AP1B1: variants seen among roughly 807,000 people sequenced by gnomAD.
AP1B1 encodes the protein adaptor related protein complex 1 subunit beta 1.
AP1B1 carries 36 observed loss-of-function variants against 104.3 expected under a neutral mutation model. That is an observed-to-expected ratio of 0.35 (90% confidence interval 0.26 to 0.46). AP1B1 has a LOEUF of 0.46. AP1B1 is among the 20% of genes least tolerant of loss of function. The probability of loss-of-function intolerance (pLI) is 1.00; values close to 1 mark genes in which losing one functional copy is unlikely to be tolerated. For missense variants in AP1B1, 901 were observed against 1,247.9 expected, an observed-to-expected ratio of 0.72 and a Z score of 4.19; for synonymous variants, 504 against 517.5, an observed-to-expected ratio of 0.97 and a Z score of 0.35.
intron 3 of AP1B1, among the ~76,000 whole-genome samples, chr22:29,361,992 C>T (rs972330782): frequency 1.3e-5 from 2 of 152,108 alleles, no homozygotes; most frequent in Admixed American, 6.6e-5. Context: ...CGGGGTTTCA[C>T]CATGTTGGCC....
intron 1 of AP1B1, among the ~76,000 whole-genome samples, chr22:29,381,317 G>A (rs1055508431): frequency 2.0e-4 from 30 of 152,010 alleles, no homozygotes; most frequent in Non-Finnish European, 7.4e-5. Context: ...ATATACTTAC[G>A]TTGTCTATTC....
intron 10 of AP1B1, 33 bp downstream of exon 10, chr22:29,350,002 A>G (rs1239540171): frequency 6.5e-7 from 1 of 1,532,200 alleles, no homozygotes; most frequent in Admixed American, 1.7e-5. Context: ...AGGCAGAGCT[A>G]GATGCCCTCT....
At position 29,334,285 on chromosome 22, in the gene AP1B1, G is replaced by A; in HGVS notation, c.2289C>T (p.Ala763=). ...NKALQVMTDF[A]IQFNRNSFGL... ...CTCACCTGTTGCGGTTGAACTGGAT[G>A]GCAAAGTCGGTCATGACCTGCAAGG... The change falls in exon 17 of 23, where the codon GCC becomes GCT. Residue 763 remains alanine, a synonymous_variant. Transcript: ENST00000357586. 6.2e-7 allele frequency: 1 copy of A among 1,604,164 alleles called. No homozygotes were observed. The highest frequency in any genetic ancestry group is 8.5e-7 in the Non-Finnish European group (1 of 1,176,388).
At chr22:29,364,900 G>T (rs1037301234) in intron 2 of AP1B1, among the ~76,000 whole-genome samples, 3 of 151,840 alleles carry the variant, frequency 2.0e-5, no homozygotes, top group Non-Finnish European at 2.9e-5. Flanking sequence ...GTAGAGACGG[G>T]GTTTCACCAT....
chr22:29,373,541 C>T (rs1026695669), intron 1 of AP1B1, among the ~76,000 whole-genome samples: 2 of 152,108 alleles, frequency 1.3e-5, no homozygotes, highest in Non-Finnish European at 2.9e-5. Context: ...AAATGATCTG[C>T]ATCCTGATGC....
chr22:29,355,245 A>G (rs1267536998), intron 6 of AP1B1, among the ~76,000 whole-genome samples: 10 of 151,862 alleles, frequency 6.6e-5, no homozygotes. Flanking sequence ...TCGAAAAAAA[A>G]AAAAATAGCA....
intron 14 of AP1B1, among the ~76,000 whole-genome samples, chr22:29,340,394 G>T (rs910284350): frequency 6.6e-6 from 1 of 152,176 alleles, no homozygotes; most frequent in Non-Finnish European, 1.5e-5. Flanking sequence ...GGTCTCCTGG[G>T]ACTCGAAGGT....
chr22:29,373,161 C>G (rs2062269407), intron 1 of AP1B1, among the ~76,000 whole-genome samples: 1 of 152,040 alleles, frequency 6.6e-6, no homozygotes, highest in South Asian at 2.1e-4. Flanking sequence ...GTCCCAGCTA[C>G]TCAGGAGGCG....
intron 15 of AP1B1, among the ~76,000 whole-genome samples, chr22:29,339,365 G>T (rs1486866126): frequency 1.3e-5 from 2 of 152,118 alleles, no homozygotes; most frequent in Admixed American, 1.3e-4. Flanking sequence ...TCTGGGAAAG[G>T]GCTGGGGACA....
chr22:29,340,637 G>C lies in AP1B1; in HGVS notation c.1998+19C>G. The C allele has an allele frequency of 6.6e-7, 1 of 1,522,114 alleles. No individual in the cohort carries two copies. The highest frequency in any genetic ancestry group is 8.9e-7 in the Non-Finnish European group (1 of 1,129,564). 94.3% of individuals were successfully genotyped at this position (1,522,114 alleles called of 1,614,324 possible). ...TGAGGATCATTATCAACATCATCCA[G>C]AGGGGGCCCACAACATACCAGGCTG... On this transcript the variant is annotated intron_variant, in intron 14 of 22. Transcript: ENST00000357586.
intron 17 of AP1B1, among the ~76,000 whole-genome samples, chr22:29,333,945 G>C (rs993934720): frequency 2.0e-5 from 3 of 152,196 alleles, no homozygotes; most frequent in African/African-American, 7.2e-5. Flanking sequence ...TGCACCTGTA[G>C]TCCCAGTTAC....
chr22:29,328,994 C>A lies in AP1B1; in HGVS notation c.2776-99G>T. 6.5e-7 allele frequency: 1 copy of A among 1,526,824 alleles called. No homozygotes were observed. The highest frequency in any genetic ancestry group is 8.8e-7 in the Non-Finnish European group (1 of 1,138,702). 94.6% of individuals were successfully genotyped at this position (1,526,824 alleles called of 1,614,324 possible). On this transcript the variant is annotated intron_variant, in intron 22 of 22. Transcript: ENST00000357586. This position sits in a 1 kb window ranked among gnomAD's most constrained non-coding sequence, Gnocchi z 4.1. ...AAGAGAGCAGGAACCAATGGGACAG[C>A]GTGGAGTGCACACAGCCTGGCGGCA... is the stretch of plus-strand genomic sequence containing the variant.
chr22:29,383,067 G>A (rs897338115), intron 1 of AP1B1, among the ~76,000 whole-genome samples: 2 of 152,066 alleles, frequency 1.3e-5, no homozygotes, highest in Non-Finnish European at 2.9e-5. Context: ...CAACTAGAGG[G>A]CTTATCTGAA....
intron 1 of AP1B1, among the ~76,000 whole-genome samples, chr22:29,379,031 A>G (rs2062395059): frequency 6.6e-6 from 1 of 152,074 alleles, no homozygotes; most frequent in Admixed American, 6.6e-5. Flanking sequence ...CTGATCTATA[A>G]GCCGTAATGT....
intron 17 of AP1B1, 83 bp from the exon 18 acceptor site, chr22:29,331,999 G>A: frequency 1.4e-6 from 2 of 1,394,286 alleles, no homozygotes; most frequent in Non-Finnish European, 1.9e-6. Flanking sequence ...CTCGGGAGCT[G>A]GGGCTGTGGT....
intron 3 of AP1B1, among the ~76,000 whole-genome samples, chr22:29,362,620 C>G (rs1395506124): frequency 6.6e-6 from 1 of 152,208 alleles, no homozygotes; most frequent in Non-Finnish European, 1.5e-5. Flanking sequence ...GCTAGGATTA[C>G]AGGCGTGAGC....
rs778707210 is a variant in AP1B1, at chr22:29,350,142, C to T, written c.1164G>A (p.Ala388=). The T allele has an allele frequency of 6.2e-6, 10 of 1,613,792 alleles. No homozygotes were observed. The highest frequency in any genetic ancestry group is 4.5e-5 in the East Asian group (2 of 44,882). ...CGAGCAGCGTGCTCACACAGCGCTC[C>T]GCAGATTGCTGCATGGGAAGAGAAG... The part of the protein sequence containing the change: ...GRCAIKVEQS[A]ERCVSTLLDL... Residue 388 remains alanine, a synonymous_variant, in exon 10 of 23, where the codon GCG becomes GCA. Coordinates refer to ENST00000357586, the MANE Select transcript of AP1B1 (RefSeq NM_001127.4).
intron 1 of AP1B1, among the ~76,000 whole-genome samples, chr22:29,379,551 C>T (rs187058185): frequency 2.8e-4 from 43 of 152,268 alleles, no homozygotes; most frequent in East Asian, 1.9e-4. Flanking sequence ...GTGCCCCACA[C>T]GGAAGCATGC....
intron 1 of AP1B1, among the ~76,000 whole-genome samples, chr22:29,378,860 CAAAAAAA>C (rs695434): frequency 1.8e-5 from 2 of 110,164 alleles, no homozygotes; most frequent in African/African-American, 3.4e-5. Context: ...CTCCGTCCCA[CAAAAAAA>C]AAAAAAAAAA....
Sources: allele counts gnomAD v4.1 joint callset (sites outside exome capture counted in the v4.1 genomes callset), GRCh38; gene constraint gnomAD v4.1.1; non-coding constraint Gnocchi (gnomAD v3.1); transcripts MANE v1.5; gene names NCBI Gene and HGNC (gene_info 2026-07-23, HGNC 2026-07-21).